The following TERF2 variants were observed in gnomAD, a reference collection of about 807,000 sequenced individuals.
TERF2 encodes the protein telomeric repeat binding factor 2, also known as telomeric repeat-binding factor 2.
In TERF2, 16 loss-of-function variants were observed where a neutral mutation model predicts 56.1. The ratio of observed to expected loss-of-function variants is 0.29; its 90% confidence interval spans 0.19 to 0.43. TERF2 has a LOEUF of 0.43. Among genes scored for constraint, TERF2 ranks in the 20% least tolerant of loss-of-function variants. The pLI is 1.00. For missense variants in TERF2, 547 were observed against 712.9 expected (o/e 0.77, Z 2.65); for synonymous variants, 296 against 282.1 (o/e 1.05, Z -0.50).
chr16:69,356,427 A>C lies in TERF2; in HGVS notation c.*471T>G, dbSNP rs2012899288. On this transcript the variant is annotated 3_prime_UTR_variant, in exon 10 of 10. Transcript: ENST00000254942. Reference sequence around the variant, plus strand: ...TCTGCTTCTTAGCTCCATGATCTCCAACAGTGATGAAGTGGAAATGGGACC... The same window carrying C: ...TCTGCTTCTTAGCTCCATGATCTCCCACAGTGATGAAGTGGAAATGGGACC... 1 of 288,924 alleles carries C rather than the reference A, an allele frequency of 3.5e-6. No homozygotes were observed. The highest frequency in any genetic ancestry group is 6.8e-6 in the Non-Finnish European group (1 of 146,974). The allele number at this position is 288,924 out of a possible 1,614,324, so 17.9% of individuals were successfully genotyped here.
intron 5 of TERF2, among the ~76,000 whole-genome samples, chr16:69,368,771 G>A (rs1343505443): frequency 6.6e-6 from 1 of 152,108 alleles, no homozygotes; most frequent in East Asian, 1.9e-4. Flanking sequence ...CCACCTCCTG[G>A]GTTCAAGCAA....
chr16:69,366,617 C>T, intron 7 of TERF2, 190 bp downstream of exon 7: 1 of 687,864 alleles, frequency 1.5e-6, no homozygotes, highest in Non-Finnish European at 2.3e-6. Flanking sequence ...TGGAAGCCCA[C>T]ATGCGGGGCT....
intron 8 of TERF2, among the ~76,000 whole-genome samples, chr16:69,358,832 C>A (rs562987723): frequency 1.3e-5 from 2 of 152,218 alleles, no homozygotes; most frequent in South Asian, 4.1e-4. Flanking sequence ...TCTTCCACTG[C>A]TATAACAGTC....
At chr16:69,377,372 G>A (rs1165560482) in intron 3 of TERF2, among the ~76,000 whole-genome samples, 1 of 151,828 alleles carries the variant, frequency 6.6e-6, no homozygotes, top group African/African-American at 2.4e-5. Context: ...TCTGTCACCA[G>A]ACTGGAGTGC....
At chr16:69,359,898 C>A (rs1164730744) in intron 8 of TERF2, among the ~76,000 whole-genome samples, 1 of 151,802 alleles carries the variant, frequency 6.6e-6, no homozygotes, top group African/African-American at 2.4e-5. Context: ...GGATTACAGG[C>A]GTGAGCCACC....
At chr16:69,384,819 A>C in intron 2 of TERF2, 109 bp from the exon 3 acceptor site, 1 of 1,041,534 alleles carries the variant, frequency 9.6e-7, no homozygotes, top group Non-Finnish European at 1.3e-6. Context: ...AAATATGGTA[A>C]GATTTGCATT....
chr16:69,383,616 G>C (rs2142772157), intron 3 of TERF2, among the ~76,000 whole-genome samples: 1 of 152,324 alleles, frequency 6.6e-6, no homozygotes, highest in South Asian at 2.1e-4. Flanking sequence ...ACCAAAAGTA[G>C]TATCTGCCCA....
chr16:69,367,303 A>T, intron 6 of TERF2, 104 bp from the exon 7 acceptor site: 1 of 1,266,488 alleles, frequency 7.9e-7, no homozygotes, highest in Non-Finnish European at 1.1e-6. Flanking sequence ...CCAGTTGAGG[A>T]GGCTTTAAAT....
chr16:69,376,922 T>TG (rs1304661379), intron 3 of TERF2, among the ~76,000 whole-genome samples: 1 of 149,610 alleles, frequency 6.7e-6, no homozygotes, highest in African/African-American at 2.5e-5. Context: ...CCCGCTAGGC[T>TG]GGGTGCGATG....
Position 69,385,988 on chromosome 16 carries a change from C to G in TERF2, c.-17G>C. On this transcript the variant is annotated 5_prime_UTR_variant, in exon 1 of 10. Transcript: ENST00000254942. ...CGCGGCCATGATAGAAACAGCGTTC[C>G]GAGCCGCCCGCGGGCTTCTGGGAGG... is the stretch of plus-strand genomic sequence containing the variant. 2.3e-6 allele frequency: 3 copies of G among 1,314,310 alleles called. No individual in the cohort carries two copies. The highest frequency in any genetic ancestry group is 3.9e-5 in the South Asian group (2 of 50,858). The allele number at this position is 1,314,310 out of a possible 1,614,324, so 81.4% of individuals were successfully genotyped here.
At chr16:69,380,653 T>C (rs1395506180) in intron 3 of TERF2, among the ~76,000 whole-genome samples, 1 of 145,104 alleles carries the variant, frequency 6.9e-6, no homozygotes, top group Non-Finnish European at 1.5e-5. Flanking sequence ...AGAGACTACG[T>C]CTAAAAAAAA....
intron 8 of TERF2, among the ~76,000 whole-genome samples, chr16:69,358,264 C>A (rs2142701452): frequency 6.6e-6 from 1 of 152,276 alleles, no homozygotes; most frequent in African/African-American, 2.4e-5. Context: ...CCGCCCATCT[C>A]GGCCTTCCAA....
chr16:69,363,444 TC>T (rs2013219836), intron 7 of TERF2, among the ~76,000 whole-genome samples: 1 of 152,164 alleles, frequency 6.6e-6, no homozygotes, highest in Admixed American at 6.6e-5. Context: ...TCTCCTGACT[TC>T]CCAAGTGGAT....
At chr16:69,369,279 T>C (rs1054087787) in intron 5 of TERF2, among the ~76,000 whole-genome samples, 1 of 152,120 alleles carries the variant, frequency 6.6e-6, no homozygotes, top group Non-Finnish European at 1.5e-5. Flanking sequence ...ATGGACACTA[T>C]CCTAATATGG....
At chr16:69,363,193 A>C (rs949391295) in intron 7 of TERF2, among the ~76,000 whole-genome samples, 1 of 152,204 alleles carries the variant, frequency 6.6e-6, no homozygotes, top group African/African-American at 2.4e-5. Flanking sequence ...AATAAAAATC[A>C]GATGGGGTTA....
intron 3 of TERF2, 75 bp downstream of exon 3, chr16:69,384,505 T>C: frequency 6.6e-7 from 1 of 1,505,198 alleles, no homozygotes; most frequent in Non-Finnish European, 8.9e-7. Context: ...CCCCACACAG[T>C]AAAGAGTAAG....
At chr16:69,384,062 T>C (rs961572273) in intron 3 of TERF2, among the ~76,000 whole-genome samples, 4 of 152,224 alleles carry the variant, frequency 2.6e-5, no homozygotes, top group African/African-American at 9.6e-5. Flanking sequence ...ACACTGCCTG[T>C]GCCGGATTTC....
chr16:69,359,062 A>T (rs2013027654), intron 8 of TERF2, among the ~76,000 whole-genome samples: 1 of 152,212 alleles, frequency 6.6e-6, no homozygotes, highest in Admixed American at 6.5e-5. Flanking sequence ...TGACATCTAC[A>T]ATGTCACTAG....
chr16:69,366,566 C>G (rs1324267344), intron 7 of TERF2: 3 of 510,902 alleles, frequency 5.9e-6, no homozygotes, highest in Non-Finnish European at 1.0e-5. Flanking sequence ...GTAGGAGGCT[C>G]TGAAACCTTT....
Sources: gnomAD v4.1 joint callset for allele counts (sites outside exome capture counted in the v4.1 genomes callset) on GRCh38, gnomAD v4.1.1 for gene constraint, MANE v1.5 for transcripts, NCBI Gene and HGNC (gene_info 2026-07-23, HGNC 2026-07-21) for gene names.